USP16: variants seen among roughly 807,000 people sequenced by gnomAD.
USP16 encodes ubiquitin carboxyl-terminal hydrolase 16.
USP16 carries 77 observed loss-of-function variants against 95.9 expected under a neutral mutation model. The observed-to-expected ratio is 0.80, with a 90% confidence interval of 0.67 to 0.97. The LOEUF is 0.97. Among genes scored for constraint, USP16 ranks in the 50% least tolerant of loss-of-function variants. USP16 has a pLI of 0.00. For missense variants in USP16, 943 were observed against 959.9 expected (o/e 0.98, Z 0.23); for synonymous variants, 303 against 318.2 (o/e 0.95, Z 0.51).
chr21:29,049,955 G>C (rs1467669658), intron 15 of USP16, 137 bp from the exon 16 acceptor site: 5 of 730,418 alleles, frequency 6.8e-6, no homozygotes, highest in South Asian at 4.2e-5. Context: ...TAGTGTTCAG[G>C]AAGAATTGAG....
rs1257717667 is a variant in USP16, at chr21:29,024,710, G to A, written c.-109G>A. 2 of 1,289,386 alleles carry A rather than the reference G, an allele frequency of 1.6e-6. No homozygotes were observed. The highest frequency in any genetic ancestry group is 1.1e-4 in the East Asian group (2 of 18,028). The allele number at this position is 1,289,386 out of a possible 1,614,324, so 79.9% of individuals were successfully genotyped here. A position where few individuals can be genotyped will look rare whatever the true frequency, so the allele number is the denominator to read the frequency against. On this transcript the variant is annotated 5_prime_UTR_variant, in exon 1 of 18. Coordinates refer to ENST00000399976, the MANE Select transcript of USP16 (RefSeq NM_006447.3). The stretch of plus-strand genomic sequence containing the variant: ...GTCGCTCTCAATTCGTCACCAGGAG[G>A]AAGACGGAGCTGGCTGCCCAGCCCA...
At chr21:29,040,429 T>G (rs1215271388) in intron 9 of USP16, among the ~76,000 whole-genome samples, 180 bp from the exon 10 acceptor site, 1 of 152,206 alleles carries the variant, frequency 6.6e-6, no homozygotes, top group African/African-American at 2.4e-5. Flanking sequence ...TGGTTAGTGA[T>G]TGCTTTGTGA....
rs558949013 is a variant in USP16 at position 29,025,866 on chromosome 21, CTG to C, written c.-42+1092_-42+1093del. 3.2e-3 allele frequency: 1,056 copies of C among 335,172 alleles called. 4 individuals carry two copies. Among genetic ancestry groups the C allele is most frequent in the Non-Finnish European group, 3.9e-3 (907 of 235,570 alleles). The allele number at this position is 335,172 out of a possible 1,614,324, so 20.8% of individuals were successfully genotyped here. Reference sequence around the variant, plus strand: ...CTAGATATTATAGGCAGTTCCAAAACTGTGCTTGAAACCATTTATTTTTCTAA... The same window carrying C: ...CTAGATATTATAGGCAGTTCCAAAACTGCTTGAAACCATTTATTTTTCTAA... On this transcript the variant is annotated intron_variant, in intron 1 of 17. Transcript: ENST00000399976.
intron 13 of USP16, among the ~76,000 whole-genome samples, chr21:29,044,678 C>A (rs1346198734): frequency 6.6e-6 from 1 of 152,128 alleles, no homozygotes; most frequent in Non-Finnish European, 1.5e-5. Context: ...AACTCCTGAC[C>A]TCAGATAATC....
At chr21:29,025,618 C>A in intron 1 of USP16, 1 of 312,888 alleles carries the variant, frequency 3.2e-6, no homozygotes, top group Non-Finnish European at 4.6e-6. Context: ...GGAGTCTAAG[C>A]TGCTGCAATC....
At chr21:29,032,394 GC>G (rs1422241622) in intron 3 of USP16, among the ~76,000 whole-genome samples, 1 of 151,982 alleles carries the variant, frequency 6.6e-6, no homozygotes, top group African/African-American at 2.4e-5. Flanking sequence ...ACCACTCCTG[GC>G]TAATTTTTGT....
rs2085328879 is a variant in USP16, at chr21:29,046,725, C to G, written c.1415C>G (p.Thr472Ser). 6.2e-7 allele frequency: 1 copy of G among 1,613,714 alleles called. No individual in the cohort carries two copies. The highest frequency in any genetic ancestry group is 1.3e-5 in the African/African-American group (1 of 74,882). Residue 472 changes from threonine to serine, a missense_variant, in exon 14 of 18, where the codon ACT (threonine) becomes AGT (serine). Thr to Ser is a moderately conservative substitution (Grantham distance 58). Transcript: ENST00000399976. ...GTTCTTCATTTAAATGATATTTGTA[C>G]TATTGACCATCCTGAAGACAGTGAA... Reference protein sequence around the residue: ...GKVLHLNDICTIDHPEDSEYE... With the variant: ...GKVLHLNDICSIDHPEDSEYE...
chr21:29,030,226 AG>A (rs989651228), intron 2 of USP16, among the ~76,000 whole-genome samples: 1 of 152,108 alleles, frequency 6.6e-6, no homozygotes, highest in Non-Finnish European at 1.5e-5. Context: ...GCCCTATAGT[AG>A]GTGTATTATT....
intron 14 of USP16, among the ~76,000 whole-genome samples, chr21:29,048,048 CGTGTGTGTGTGTGTGTGTGTGTGTGT>C (rs67919060): frequency 6.5e-5 from 8 of 123,722 alleles, no homozygotes; most frequent in Non-Finnish European, 8.4e-5. Flanking sequence ...AGAGACGATA[CGTGTGTGTGTGTGTGTGTGTGTGTGT>C]GTGTGTGTGT....
intron 2 of USP16, among the ~76,000 whole-genome samples, chr21:29,029,370 G>A (rs979231509): frequency 2.0e-5 from 3 of 152,114 alleles, no homozygotes; most frequent in East Asian, 3.9e-4. Context: ...CCGAGATTGT[G>A]CCACTGCACT....
intron 13 of USP16, among the ~76,000 whole-genome samples, chr21:29,045,980 C>T (rs372478500): frequency 7.9e-5 from 12 of 152,072 alleles, no homozygotes; most frequent in South Asian, 2.1e-4. Context: ...ATTACAGGCA[C>T]GCCTGGCTAA....
intron 3 of USP16, among the ~76,000 whole-genome samples, chr21:29,032,398 A>T (rs938564603): frequency 6.6e-6 from 1 of 151,932 alleles, no homozygotes; most frequent in African/African-American, 2.4e-5. Context: ...CTCCTGGCTA[A>T]TTTTTGTATT....
Position 29,044,062 on chromosome 21 carries a change from A to C in USP16, c.1356+463A>C, listed in dbSNP as rs529798880. Among the ~76,000 whole-genome samples the C allele has an allele frequency of 3.2e-4, 48 of 152,112 alleles. No individual in the cohort carries two copies. In the South Asian group the frequency reaches 9.8e-3, roughly 31 times the overall value. ...ATTCTCGTGCCTCAGCCTCCTGAGC[A>C]GTCAGGACTACAGGTGCATGCCACC... On this transcript the variant is annotated intron_variant, in intron 13 of 17. Coordinates refer to ENST00000399976, the MANE Select transcript of USP16 (RefSeq NM_006447.3).
chr21:29,054,022 T>C (rs747308739), intron 17 of USP16, 44 bp from the exon 18 acceptor site: 3 of 1,613,550 alleles, frequency 1.9e-6, no homozygotes, highest in African/African-American at 2.7e-5. Flanking sequence ...GTAATCAACT[T>C]GAATCTTTCC....
chr21:29,036,056 A>T (rs2085151569), intron 4 of USP16, among the ~76,000 whole-genome samples: 1 of 152,268 alleles, frequency 6.6e-6, no homozygotes, highest in Non-Finnish European at 1.5e-5. Flanking sequence ...GTATTTCATC[A>T]TACTACTTAT....
At chr21:29,040,948 ACATGAATTATAT>A (rs1337146430) in intron 10 of USP16, among the ~76,000 whole-genome samples, 1 of 152,222 alleles carries the variant, frequency 6.6e-6, no homozygotes, top group Non-Finnish European at 1.5e-5. Context: ...TAGCAGTAAT[ACATGAATTATAT>A]TTGTTACTGT....
chr21:29,039,475 C>T lies in USP16; in HGVS notation c.864-6C>T. 1 of 1,611,672 alleles carries T rather than the reference C, an allele frequency of 6.2e-7. No individual in the cohort carries two copies. Among genetic ancestry groups the T allele is most frequent in the Non-Finnish European group, 8.5e-7 (1 of 1,178,696 alleles). On this transcript the variant is annotated splice_region_variant and splice_polypyrimidine_tract_variant and intron_variant, in intron 8 of 17. Transcript: ENST00000399976. ...ATTGCTTTTCTGTCTTTTTGTTTTT[C>T]TCTAGAGCAGTGCGGTTTAAAGGCT...
At chr21:29,050,219 C>T in intron 16 of USP16, 41 bp downstream of exon 16, 1 of 1,578,518 alleles carries the variant, frequency 6.3e-7, no homozygotes, top group Non-Finnish European at 8.7e-7. Context: ...CCTTTAAAGT[C>T]AAATTGTGGC....
chr21:29,052,935 G>GA (rs2085437916), intron 16 of USP16: 1 of 152,286 alleles, frequency 6.6e-6, no homozygotes, highest in African/African-American at 2.4e-5. Flanking sequence ...GCATTGAGCT[G>GA]AGATCATGCC....
Sources: allele counts gnomAD v4.1 joint callset (sites outside exome capture counted in the v4.1 genomes callset), GRCh38; gene constraint gnomAD v4.1.1; transcripts MANE v1.5; gene names NCBI Gene and HGNC (gene_info 2026-07-23, HGNC 2026-07-21).